The following HERC4 variants were observed in gnomAD, a reference collection of about 807,000 sequenced individuals.
HERC4 encodes the protein probable E3 ubiquitin-protein ligase HERC4.
In HERC4, 28 loss-of-function variants were observed where a neutral mutation model predicts 124.3. The observed-to-expected ratio is 0.23, with a 90% confidence interval of 0.17 to 0.31. The LOEUF is 0.31. HERC4 is among the 10% of genes least tolerant of loss of function. HERC4 has a pLI of 1.00. For missense variants in HERC4, 713 were observed against 1,229.3 expected (o/e 0.58, Z 6.28); for synonymous variants, 407 against 421.5 (o/e 0.97, Z 0.42).
Position 67,939,600 on chromosome 10 carries a change from A to G in HERC4, c.2559T>C (p.Cys853=), listed in dbSNP as rs150370447. The change falls in exon 21 of 25, where the codon TGT becomes TGC. Residue 853 remains cysteine (C), a synonymous_variant. Transcript: ENST00000373700. The stretch of plus-strand genomic sequence containing the variant: ...CCTTCCATCTTACCGTAAAATTAAG[A>G]CAAAATGTTTCCTCTATGTCATCTT... The part of the protein sequence containing the change: ...YPEDDIEETF[C]LNFTITVENF... The G allele has an allele frequency of 4.5e-5, 72 of 1,605,642 alleles. No individual in the cohort carries two copies. The highest frequency in any genetic ancestry group is 1.2e-4 in the Admixed American group (7 of 59,156).
intron 19 of HERC4, among the ~76,000 whole-genome samples, chr10:67,947,980 T>C (rs758912004): frequency 3.7e-4 from 48 of 129,400 alleles, no homozygotes; most frequent in Admixed American, 1.7e-3. Context: ...TGAGCCACCA[T>C]GCCCAGTCTA....
At chr10:68,037,094 T>C (rs928894949) in intron 5 of HERC4, among the ~76,000 whole-genome samples, 22 of 141,766 alleles carry the variant, frequency 1.6e-4, no homozygotes, top group South Asian at 6.7e-4. Flanking sequence ...ATTTCTTCTT[T>C]TTTTTTTTTT....
intron 5 of HERC4, among the ~76,000 whole-genome samples, chr10:68,037,499 G>A (rs967900033): frequency 6.6e-6 from 1 of 152,108 alleles, no homozygotes; most frequent in Admixed American, 6.5e-5. Flanking sequence ...TGGTAAGAGA[G>A]GAATGCAAAC....
intron 16 of HERC4, among the ~76,000 whole-genome samples, chr10:67,962,181 A>G (rs1335910497): frequency 6.6e-6 from 1 of 151,720 alleles, no homozygotes; most frequent in East Asian, 1.9e-4. Flanking sequence ...CTCTTGTAGG[A>G]CATTTAAAAA....
intron 3 of HERC4, among the ~76,000 whole-genome samples, chr10:68,059,804 ATAT>A (rs1216336585): frequency 6.1e-5 from 5 of 82,604 alleles, no homozygotes; most frequent in Non-Finnish European, 9.5e-5. Flanking sequence ...ATAATATTAT[ATAT>A]TATAATATTA....
intron 15 of HERC4, among the ~76,000 whole-genome samples, chr10:67,980,548 T>C (rs1158903903): frequency 1.3e-5 from 2 of 152,090 alleles, no homozygotes; most frequent in Non-Finnish European, 2.9e-5. Context: ...AAAACATTAA[T>C]GGGCAATAAC....
intron 20 of HERC4, among the ~76,000 whole-genome samples, chr10:67,940,151 C>T (rs1483974777): frequency 6.6e-6 from 1 of 152,152 alleles, no homozygotes; most frequent in Non-Finnish European, 1.5e-5. Context: ...TGGTCTCGAA[C>T]TCCTGACCTC....
intron 3 of HERC4, 114 bp from the exon 4 acceptor site, chr10:68,044,677 A>T: frequency 1.1e-6 from 1 of 915,766 alleles, no homozygotes; most frequent in Non-Finnish European, 1.7e-6. Context: ...CATTTTATAC[A>T]AACAAGCTAA....
chr10:67,954,262 A>G (rs16924989), intron 19 of HERC4: 19,690 of 175,894 alleles, frequency 0.11, 1,167 homozygotes, highest in South Asian at 0.15. Flanking sequence ...TAAATCAATG[A>G]TCCCTAATGA....
intron 9 of HERC4, among the ~76,000 whole-genome samples, chr10:68,000,056 C>T (rs1421272650): frequency 6.6e-6 from 1 of 151,974 alleles, no homozygotes; most frequent in African/African-American, 2.4e-5. Flanking sequence ...CAGGGTCTTG[C>T]TATGTTGCTC....
intron 5 of HERC4, among the ~76,000 whole-genome samples, chr10:68,036,683 C>T (rs1179246848): frequency 6.6e-6 from 1 of 152,176 alleles, no homozygotes; most frequent in African/African-American, 2.4e-5. Context: ...ACTTTCTTAA[C>T]TCTATGCCTT....
intron 9 of HERC4, among the ~76,000 whole-genome samples, chr10:68,009,384 G>C (rs769725733): frequency 1.3e-5 from 2 of 151,832 alleles, no homozygotes; most frequent in African/African-American, 4.8e-5. Flanking sequence ...CAAAGCACTG[G>C]GATTACAGGC....
chr10:68,056,536 G>A (rs1589437339), intron 3 of HERC4, among the ~76,000 whole-genome samples: 1 of 152,198 alleles, frequency 6.6e-6, no homozygotes, highest in East Asian at 1.9e-4. Context: ...GTACTTGGTA[G>A]TACACAAAAT....
At chr10:67,973,426 A>G (rs1243859558) in intron 15 of HERC4, among the ~76,000 whole-genome samples, 1 of 152,236 alleles carries the variant, frequency 6.6e-6, no homozygotes, top group Non-Finnish European at 1.5e-5. Context: ...CCAATCCCGT[A>G]GGAATTAGAA....
At chr10:68,042,567 G>A (rs1403405438) in intron 4 of HERC4, among the ~76,000 whole-genome samples, 2 of 152,178 alleles carry the variant, frequency 1.3e-5, no homozygotes, top group African/African-American at 4.8e-5. Context: ...AGGCTGCAGT[G>A]AGCTGTGAGC....
chr10:67,970,439 A>C (rs1451382126), intron 15 of HERC4, among the ~76,000 whole-genome samples: 3 of 152,098 alleles, frequency 2.0e-5, no homozygotes, highest in African/African-American at 7.2e-5. Flanking sequence ...TGAAAATACA[A>C]AAACTAGCTG....
rs1371970044 is a variant in HERC4, at chr10:67,932,706, G to A, written c.2729C>T (p.Ala910Val). The change falls in exon 23 of 25, where the codon GCG becomes GTG. Residue 910 changes from alanine to valine, a missense_variant. Coordinates refer to ENST00000373700, the MANE Select transcript of HERC4 (RefSeq NM_015601.4). ...TCCTCCACAGACCTTATGAAAGCCC[G>A]CATGAAAAGCATCAAATAAGGAAGC... The part of the protein sequence containing the change: ...SVASLFDAFH[A>V]GFHKVCGGKV... 1.4e-5 allele frequency: 22 copies of A among 1,599,868 alleles called. No individual in the cohort carries two copies. In the Middle Eastern group the frequency reaches 5.0e-4, roughly 36 times the overall value.
intron 21 of HERC4, among the ~76,000 whole-genome samples, chr10:67,938,306 T>C (rs915408086): frequency 6.6e-6 from 1 of 151,738 alleles, no homozygotes; most frequent in African/African-American, 2.4e-5. Context: ...CTGGGTATGG[T>C]GGTGTGCACC....
intron 9 of HERC4, among the ~76,000 whole-genome samples, chr10:68,000,486 G>C (rs564836773): frequency 6.6e-6 from 1 of 152,098 alleles, no homozygotes; most frequent in African/African-American, 2.4e-5. Context: ...GGCTGAGGTG[G>C]GAGGATCGCT....
Sources: allele counts gnomAD v4.1 joint callset (sites outside exome capture counted in the v4.1 genomes callset), GRCh38; gene constraint gnomAD v4.1.1; transcripts MANE v1.5; gene names NCBI Gene and HGNC (gene_info 2026-07-23, HGNC 2026-07-21).